Variants in ASNS observed in about 807,000 individuals in gnomAD.
The protein encoded by ASNS is asparagine synthetase [glutamine-hydrolyzing].
ASNS carries 37 observed loss-of-function variants against 62.6 expected under a neutral mutation model. That is an observed-to-expected ratio of 0.59 (90% CI 0.45 to 0.78). The LOEUF (loss-of-function observed/expected upper bound fraction) is 0.78. Among genes scored for constraint, ASNS ranks in the 30% least tolerant of loss-of-function variants. The pLI is 0.00. For missense variants in ASNS, 520 were observed against 682.4 expected, an observed-to-expected ratio of 0.76 and a Z score of 2.65; for synonymous variants, 207 against 237.9, an observed-to-expected ratio of 0.87 and a Z score of 1.19.
chr7:97,902,025 G>C, the ASNS span, among the ~76,000 whole-genome samples: 1 of 152,176 alleles, frequency 6.6e-6, no homozygotes, highest in Admixed American at 6.5e-5. Context: ...GAATTAATGT[G>C]TATATGGACA....
Position 97,851,860 on chromosome 7 carries a change from GC to G in ASNS, c.*398del. 5.0e-6 allele frequency: 1 copy of G among 198,114 alleles called. No homozygotes were observed. Among genetic ancestry groups the G allele is most frequent in the South Asian group, 1.0e-4 (1 of 9,800 alleles). The allele number at this position is 198,114 out of a possible 1,614,324, so 12.3% of individuals were successfully genotyped here. A position where few individuals can be genotyped will look rare whatever the true frequency, so the allele number is the denominator to read the frequency against. On this transcript the variant is annotated 3_prime_UTR_variant, in exon 13 of 13. Coordinates refer to ENST00000394308, the MANE Select transcript of ASNS (RefSeq NM_001673.5). ...AAGATTCAAGTCTGAGTCTGCCTAG[GC>G]AGCTGTTAGGAATGTAGGCAGAACA...
the ASNS span, among the ~76,000 whole-genome samples, chr7:97,914,621 C>T: frequency 1.3e-5 from 2 of 152,154 alleles, no homozygotes; most frequent in Non-Finnish European, 2.9e-5. Flanking sequence ...TTATCAACTA[C>T]TTGCAGTTCA....
Position 97,864,490 on chromosome 7 carries a change from G to C in ASNS, c.256C>G (p.Gln86Glu). The C allele has an allele frequency of 6.2e-7, 1 of 1,613,008 alleles. No individual in the cohort carries two copies. The highest frequency in any genetic ancestry group is 8.5e-7 in the Non-Finnish European group (1 of 1,179,124). Residue 86 changes from glutamine to glutamate, a missense_variant, in exon 4 of 13, where the codon CAG becomes GAG. By Grantham distance (29) the Gln-to-Glu change is conservative. Coordinates refer to ENST00000394308, the MANE Select transcript of ASNS (RefSeq NM_001673.5). ...GTCTGGTATTCAAATTCAAAATGCT[G>C]TTGCATCTTAGGAAGCGAAAGCAAA... ...GEIYNHKKMQQHFEFEYQTKV... is the reference protein window; with the variant it reads ...GEIYNHKKMQEHFEFEYQTKV...
At chr7:97,856,981 C>G (rs1791470450) in intron 7 of ASNS, among the ~76,000 whole-genome samples, 165 bp from the exon 8 acceptor site, 1 of 152,130 alleles carries the variant, frequency 6.6e-6, no homozygotes, top group African/African-American at 2.4e-5. Flanking sequence ...AAGCCCCATC[C>G]AGCACTGTTC....
At chr7:97,882,015 C>G in the ASNS span, among the ~76,000 whole-genome samples, 24 of 152,084 alleles carry the variant, frequency 1.6e-4, no homozygotes, top group Non-Finnish European at 2.9e-4. Flanking sequence ...CCACGCCTGG[C>G]TAATTTTTAT....
intron 3 of ASNS, among the ~76,000 whole-genome samples, chr7:97,865,964 T>C (rs1791946386): frequency 6.6e-6 from 1 of 152,180 alleles, no homozygotes; most frequent in Non-Finnish European, 1.5e-5. Flanking sequence ...ACCTGCATTT[T>C]GACTGTGACA....
chr7:97,918,774 G>T, the ASNS span, among the ~76,000 whole-genome samples: 2 of 152,044 alleles, frequency 1.3e-5, no homozygotes, highest in Admixed American at 6.5e-5. Flanking sequence ...ACCGGGTCCC[G>T]TCGGGGGTGG....
At chr7:97,855,186 T>A in intron 9 of ASNS, 167 bp downstream of exon 9, 1 of 551,440 alleles carries the variant, frequency 1.8e-6, no homozygotes, top group Non-Finnish European at 3.2e-6. Flanking sequence ...ACATTAAAAT[T>A]TCTTTCTTCC....
At chr7:97,863,293 G>A (rs1791808340) in intron 4 of ASNS, 1 of 152,142 alleles carries the variant, frequency 6.6e-6, no homozygotes, top group Admixed American at 6.5e-5. Flanking sequence ...ATATCATTTG[G>A]CCATAAGAAG....
chr7:97,922,224 A>G, the ASNS span, among the ~76,000 whole-genome samples: 14 of 151,986 alleles, frequency 9.2e-5, no homozygotes, highest in Non-Finnish European at 1.9e-4. Flanking sequence ...AAATTAGTGG[A>G]GCGTGGTGGT....
chr7:97,912,315 C>T, the ASNS span, among the ~76,000 whole-genome samples: 1 of 152,250 alleles, frequency 6.6e-6, no homozygotes, highest in African/African-American at 2.4e-5. Flanking sequence ...CCTAAGGTCC[C>T]TTGTGAATAT....
chr7:97,864,835 A>G (rs1164028548), intron 3 of ASNS, among the ~76,000 whole-genome samples: 1 of 152,166 alleles, frequency 6.6e-6, no homozygotes, highest in Non-Finnish European at 1.5e-5. Context: ...ATACAGATTG[A>G]GTATCCCTTA....
intron 1 of ASNS, chr7:97,871,605 T>C (rs897127755): frequency 6.6e-6 from 1 of 152,514 alleles, no homozygotes; most frequent in African/African-American, 2.4e-5. Flanking sequence ...GTCCTTTTTA[T>C]TTAAAGCTAT....
At chr7:97,912,347 G>T in the ASNS span, among the ~76,000 whole-genome samples, 1 of 151,990 alleles carries the variant, frequency 6.6e-6, no homozygotes, top group Non-Finnish European at 1.5e-5. Flanking sequence ...CTGTTTTTTT[G>T]AGTTTTTTGT....
In ASNS at chr7:97,859,412, A is replaced by G; in HGVS notation, c.488-14T>C. On this transcript the variant is annotated splice_polypyrimidine_tract_variant and intron_variant, in intron 4 of 12. Coordinates refer to ENST00000394308, the MANE Select transcript of ASNS (RefSeq NM_001673.5). ...ATGTAACAAGACCTAGAAATTCACA[A>G]TGATACCTTTATTCAAATTAGGTAA... 6.3e-7 allele frequency: 1 copy of G among 1,589,450 alleles called. No homozygotes were observed. Among genetic ancestry groups the G allele is most frequent in the South Asian group, 1.1e-5 (1 of 88,060 alleles).
the ASNS span, among the ~76,000 whole-genome samples, chr7:97,920,132 C>T: frequency 6.6e-6 from 1 of 152,038 alleles, no homozygotes. Flanking sequence ...CTCAGCTTCC[C>T]GAGTAGCTGG....
chr7:97,851,839 T>C lies in ASNS; in HGVS notation c.*420A>G, dbSNP rs1791196693. The C allele has an allele frequency of 5.5e-6, 1 of 183,204 alleles. No homozygotes were observed. The highest frequency in any genetic ancestry group is 1.2e-5 in the Non-Finnish European group (1 of 86,864). The allele number at this position is 183,204 out of a possible 1,614,324, so 11.3% of individuals were successfully genotyped here. On this transcript the variant is annotated 3_prime_UTR_variant, in exon 13 of 13. Coordinates refer to ENST00000394308, the MANE Select transcript of ASNS (RefSeq NM_001673.5). ...AGCTGTGATGAACTCCTATAGAAGA[T>C]TCAAGTCTGAGTCTGCCTAGGCAGC...
the ASNS span, among the ~76,000 whole-genome samples, chr7:97,891,531 C>T: frequency 6.6e-6 from 1 of 152,224 alleles, no homozygotes; most frequent in Non-Finnish European, 1.5e-5. Flanking sequence ...ATCCCTTCTG[C>T]CTATGAGCAT....
At chr7:97,910,955 A>G in the ASNS span, among the ~76,000 whole-genome samples, 1 of 152,212 alleles carries the variant, frequency 6.6e-6, no homozygotes, top group African/African-American at 2.4e-5. Flanking sequence ...CAGGGCTAAC[A>G]TGGAATCTCT....
Sources: allele counts gnomAD v4.1 joint callset (sites outside exome capture counted in the v4.1 genomes callset), GRCh38; gene constraint gnomAD v4.1.1; transcripts MANE v1.5; gene names NCBI Gene and HGNC (gene_info 2026-07-23, HGNC 2026-07-21).